The following CADPS variants were observed in gnomAD, a reference collection of about 807,000 sequenced individuals.
CADPS encodes calcium dependent secretion activator.
Under a neutral mutation model 167.3 loss-of-function variants are expected in CADPS, and 57 were observed. The observed-to-expected ratio is 0.34, with a 90% CI of 0.28 to 0.42. The LOEUF (loss-of-function observed/expected upper bound fraction) is 0.42. Ranked by LOEUF, CADPS falls within the 20% of genes least tolerant of loss-of-function variation. The probability of loss-of-function intolerance (pLI) is 1.00; values close to 1 mark genes in which losing one functional copy is unlikely to be tolerated. For synonymous variants in CADPS, 676 were observed against 635.3 expected (o/e 1.06, Z -0.96); for missense variants, 1,414 against 1,738.1 (o/e 0.81, Z 3.32).
At chr3:62,547,040 G>A (rs966225895) in intron 11 of CADPS, among the ~76,000 whole-genome samples, 3 of 152,164 alleles carry the variant, frequency 2.0e-5, no homozygotes, top group Admixed American at 2.0e-4. Context: ...AGGTTGGGTT[G>A]ATTAAATCCT....
intron 1 of CADPS, among the ~76,000 whole-genome samples, chr3:62,771,930 C>T (rs115418385): frequency 0.023 from 3,462 of 152,288 alleles, 65 homozygotes; most frequent in South Asian, 0.061. Context: ...AGAGGCAATG[C>T]TGAAGTCAGA....
intron 1 of CADPS, among the ~76,000 whole-genome samples, chr3:62,777,062 A>C (rs1428654235): frequency 1.3e-5 from 2 of 152,196 alleles, no homozygotes; most frequent in African/African-American, 4.8e-5. Context: ...CACAACTATT[A>C]AAAATGAAAC....
intron 26 of CADPS, among the ~76,000 whole-genome samples, chr3:62,450,010 T>A (rs1294509404): frequency 6.6e-6 from 1 of 152,204 alleles, no homozygotes; most frequent in African/African-American, 2.4e-5. Flanking sequence ...TAAATGTAGC[T>A]GTGCTTATCA....
At chr3:62,724,216 A>G (rs1225446943) in intron 3 of CADPS, among the ~76,000 whole-genome samples, 1 of 152,102 alleles carries the variant, frequency 6.6e-6, no homozygotes, top group African/African-American at 2.4e-5. Flanking sequence ...CTCTTTGGAG[A>G]CCACCACCTT....
At chr3:62,613,756 T>C (rs766640094) in intron 6 of CADPS, among the ~76,000 whole-genome samples, 4 of 152,182 alleles carry the variant, frequency 2.6e-5, no homozygotes, top group Non-Finnish European at 5.9e-5. Flanking sequence ...TATTGGTGTC[T>C]TGATGAAATC....
chr3:62,589,107 CAT>C (rs2085341502), intron 7 of CADPS, among the ~76,000 whole-genome samples: 1 of 152,106 alleles, frequency 6.6e-6, no homozygotes, highest in Non-Finnish European at 1.5e-5. Context: ...AAAAACAAAA[CAT>C]AACCCTAAAG....
At chr3:62,548,406 AACTC>A (rs1253500274) in intron 11 of CADPS, among the ~76,000 whole-genome samples, 1 of 152,138 alleles carries the variant, frequency 6.6e-6, no homozygotes, top group African/African-American at 2.4e-5. Flanking sequence ...TCTGTGTGGA[AACTC>A]ACAGCCATTA....
In CADPS at chr3:62,427,763, G is replaced by A. The variant is rs188354646; in HGVS notation, c.3777+10341C>T. Among the ~76,000 whole-genome samples the A allele has an allele frequency of 1.1e-4, 17 of 152,224 alleles. No homozygotes were observed. The East Asian group carries it at 2.3e-3, about 21-fold the overall frequency. ...CAAAGAATGAATTTTCTGAACAAAA[G>A]GGAGTGATATTTCTCTTCCTTAAAA... On this transcript the variant is annotated intron_variant, in intron 28 of 29. Coordinates refer to ENST00000383710, the MANE Select transcript of CADPS (RefSeq NM_003716.4).
At chr3:62,469,140 G>T (rs1483676870) in intron 24 of CADPS, among the ~76,000 whole-genome samples, 1 of 152,070 alleles carries the variant, frequency 6.6e-6, no homozygotes, top group Non-Finnish European at 1.5e-5. Context: ...AGCAGAGCAG[G>T]GTAATAATTA....
chr3:62,768,837 T>C (rs1429272576), intron 1 of CADPS, among the ~76,000 whole-genome samples: 3 of 152,186 alleles, frequency 2.0e-5, no homozygotes, highest in Non-Finnish European at 4.4e-5. Flanking sequence ...TTAATTTTAA[T>C]CAAGTTCAGA....
intron 4 of CADPS, among the ~76,000 whole-genome samples, chr3:62,651,464 G>A (rs942129695): frequency 4.7e-4 from 72 of 152,228 alleles, no homozygotes; most frequent in Middle Eastern, 3.4e-3. Flanking sequence ...GTTTTTAAGT[G>A]AGGGAAACAG....
intron 24 of CADPS, chr3:62,467,436 T>C (rs1331385411): frequency 2.4e-6 from 1 of 414,270 alleles, no homozygotes; most frequent in Non-Finnish European, 3.8e-6. Flanking sequence ...TGTAAACATA[T>C]GGAAATAAGC....
chr3:62,654,309 A>G (rs1281721938), intron 4 of CADPS, among the ~76,000 whole-genome samples: 3 of 152,196 alleles, frequency 2.0e-5, no homozygotes, highest in African/African-American at 4.8e-5. Flanking sequence ...AGAAAGATCT[A>G]TAACAGAACA....
At position 62,502,992 on chromosome 3, in the gene CADPS, C is replaced by A. The variant is rs72891932; in HGVS notation, c.2600-3724G>T. On this transcript the variant is annotated intron_variant, in intron 17 of 29. Coordinates refer to ENST00000383710, the MANE Select transcript of CADPS (RefSeq NM_003716.4). ...GAGAGCTGCTGCTTTCTTGGCAATT[C>A]TTCAACACTACAGAGGTGTGACATT... Among the ~76,000 whole-genome samples the A allele has an allele frequency of 6.7e-3, 1,022 of 151,904 alleles. 14 individuals are homozygous for A. The highest frequency in any genetic ancestry group is 0.023 in the African/African-American group (933 of 41,418).
intron 3 of CADPS, among the ~76,000 whole-genome samples, chr3:62,679,586 C>G (rs1385587436): frequency 6.6e-6 from 1 of 151,980 alleles, no homozygotes. Flanking sequence ...TGCCACCACA[C>G]AGTGGGACCA....
rs542114065 is a variant in CADPS at position 62,724,273 on chromosome 3, G to C, written c.888+29168C>G. Among the ~76,000 whole-genome samples the C allele has an allele frequency of 1.1e-4, 17 of 152,112 alleles. No homozygotes were observed. The South Asian group carries it at 3.3e-3, about 30-fold the overall frequency. On this transcript the variant is annotated intron_variant, in intron 3 of 29. Transcript: ENST00000383710. The stretch of plus-strand genomic sequence containing the variant: ...ATTTTTTCCTCATCCACATGTCTAC[G>C]AGCTTTTATCTCAGTCACTCTCAAA...
At chr3:62,793,694 C>T (rs2093146914) in intron 1 of CADPS, among the ~76,000 whole-genome samples, 1 of 152,172 alleles carries the variant, frequency 6.6e-6, no homozygotes, top group Admixed American at 6.5e-5. Flanking sequence ...GATTCATGGA[C>T]TTTCACATAC....
chr3:62,583,276 A>T (rs781056646), intron 8 of CADPS, among the ~76,000 whole-genome samples: 3 of 152,050 alleles, frequency 2.0e-5, no homozygotes, highest in Middle Eastern at 3.2e-3. Flanking sequence ...CTAAAGATGA[A>T]GATCTTCTCT....
intron 28 of CADPS, among the ~76,000 whole-genome samples, chr3:62,426,341 A>G (rs1360213891): frequency 2.0e-5 from 3 of 151,932 alleles, no homozygotes; most frequent in Admixed American, 1.3e-4. Context: ...AGTAGAGATG[A>G]GGTTTCACCA....
Sources: allele counts gnomAD v4.1 joint callset (sites outside exome capture counted in the v4.1 genomes callset), GRCh38; gene constraint gnomAD v4.1.1; transcripts MANE v1.5; gene names NCBI Gene and HGNC (gene_info 2026-07-23, HGNC 2026-07-21).